The following KRABD5 variants were observed in gnomAD, a reference collection of about 807,000 sequenced individuals.
The protein encoded by KRABD5 is KRAB domain containing 5.
chr16:31,751,414 G>C, the KRABD5 span, among the ~76,000 whole-genome samples: 1 of 152,064 alleles, frequency 6.6e-6, no homozygotes, highest in Non-Finnish European at 1.5e-5. Flanking sequence ...ATCTTGTCCA[G>C]GGCTTTTTTG....
chr16:31,740,061 G>C, the KRABD5 span, among the ~76,000 whole-genome samples: 5 of 152,186 alleles, frequency 3.3e-5, no homozygotes, highest in Non-Finnish European at 2.9e-5. Context: ...TCACTGGCTT[G>C]CTGTCAATAA....
the KRABD5 span, among the ~76,000 whole-genome samples, chr16:31,751,792 A>G: frequency 6.6e-6 from 1 of 152,084 alleles, no homozygotes; most frequent in Non-Finnish European, 1.5e-5. Flanking sequence ...AGTTATTTCT[A>G]TTCTTCTACA....
At chr16:31,729,522 C>A in the KRABD5 span, among the ~76,000 whole-genome samples, 1 of 152,198 alleles carries the variant, frequency 6.6e-6, no homozygotes, top group African/African-American at 2.4e-5. Flanking sequence ...GCAGAGCTCT[C>A]ATGGCCTAAT....
the KRABD5 span, among the ~76,000 whole-genome samples, chr16:31,735,049 C>T: frequency 2.0e-5 from 3 of 151,856 alleles, no homozygotes; most frequent in African/African-American, 7.2e-5. Flanking sequence ...GTGCCCTGCC[C>T]GCCTGCCTGC....
chr16:31,759,613 G>A, the KRABD5 span: 1 of 500,192 alleles, frequency 2.0e-6, no homozygotes, highest in South Asian at 2.1e-5. Flanking sequence ...TGAAGCAGAA[G>A]TGGTACATGA....
the KRABD5 span, chr16:31,759,382 A>T: frequency 6.5e-7 from 1 of 1,537,252 alleles, no homozygotes; most frequent in African/African-American, 1.4e-5. Flanking sequence ...GGTGAAAAAA[A>T]TCAACAAGAT....
At chr16:31,729,734 A>T in the KRABD5 span, among the ~76,000 whole-genome samples, 3 of 151,690 alleles carry the variant, frequency 2.0e-5, no homozygotes, top group African/African-American at 7.2e-5. Context: ...TGCTTTGGTC[A>T]TGTTAATTTT....
At chr16:31,742,543 T>C in the KRABD5 span, among the ~76,000 whole-genome samples, 12 of 152,212 alleles carry the variant, frequency 7.9e-5, no homozygotes, top group Admixed American at 7.9e-4. Context: ...TACCACAGTT[T>C]CTTTATCCAG....
chr16:31,753,451 T>C, the KRABD5 span, among the ~76,000 whole-genome samples: 1 of 152,212 alleles, frequency 6.6e-6, no homozygotes, highest in South Asian at 2.1e-4. Context: ...TATTTTTCTT[T>C]CCTGAGAGCG....
At chr16:31,714,509 C>G in the KRABD5 span, 1 of 439,354 alleles carries the variant, frequency 2.3e-6, no homozygotes, top group Non-Finnish European at 4.6e-6. Context: ...TTTTAGAGCT[C>G]GCTAGATGCT....
chr16:31,755,440 G>A, the KRABD5 span: 1 of 476,806 alleles, frequency 2.1e-6, no homozygotes. Flanking sequence ...CTAAACATCA[G>A]AGAATTCATA....
chr16:31,743,424 A>G, the KRABD5 span, among the ~76,000 whole-genome samples: 1 of 152,094 alleles, frequency 6.6e-6, no homozygotes, highest in African/African-American at 2.4e-5. Flanking sequence ...TGAAAATCAG[A>G]TGGTTGTAGA....
At chr16:31,728,220 A>G in the KRABD5 span, among the ~76,000 whole-genome samples, 2 of 151,984 alleles carry the variant, frequency 1.3e-5, no homozygotes, top group African/African-American at 4.8e-5. Context: ...AAGTTTCTCA[A>G]TTTTGTTTTC....
At chr16:31,739,893 T>G in the KRABD5 span, among the ~76,000 whole-genome samples, 1 of 152,362 alleles carries the variant, frequency 6.6e-6, no homozygotes, top group Non-Finnish European at 1.5e-5. Context: ...CCACAAACAG[T>G]AGCATGAGCC....
chr16:31,727,492 A>G, the KRABD5 span, among the ~76,000 whole-genome samples: 1 of 152,210 alleles, frequency 6.6e-6, no homozygotes, highest in Non-Finnish European at 1.5e-5. Flanking sequence ...GCAGTCATGT[A>G]CTTATATACC....
At chr16:31,722,644 G>C in the KRABD5 span, 1 of 1,613,430 alleles carries the variant, frequency 6.2e-7, no homozygotes, top group African/African-American at 1.3e-5. Context: ...GACATTCAGG[G>C]ATGTGGCCAT....
chr16:31,715,952 A>G, the KRABD5 span, among the ~76,000 whole-genome samples: 7 of 152,180 alleles, frequency 4.6e-5, no homozygotes, highest in African/African-American at 1.7e-4. Flanking sequence ...GAGGACAGAA[A>G]GGGAAGAAGT....
the KRABD5 span, among the ~76,000 whole-genome samples, chr16:31,721,857 C>T: frequency 2.4e-4 from 36 of 152,256 alleles, no homozygotes; most frequent in African/African-American, 7.7e-4. Context: ...AATGCGGAAA[C>T]GCAGCCCCAG....
chr16:31,736,935 A>G, the KRABD5 span, among the ~76,000 whole-genome samples: 1 of 151,940 alleles, frequency 6.6e-6, no homozygotes. Flanking sequence ...TCACTTTTTT[A>G]TTTAAGTTTA....
Sources: allele counts gnomAD v4.1 joint callset (sites outside exome capture counted in the v4.1 genomes callset), GRCh38; gene constraint gnomAD v4.1.1; transcripts MANE v1.5; gene names NCBI Gene and HGNC (gene_info 2026-07-23, HGNC 2026-07-21).